The following RALGAPA1 variants were observed in gnomAD, a reference collection of about 807,000 sequenced individuals.
The protein encoded by RALGAPA1 is ral GTPase-activating protein subunit alpha-1.
RALGAPA1 carries 52 observed loss-of-function variants against 269.6 expected under a neutral mutation model. The ratio of observed to expected loss-of-function variants is 0.19; its 90% CI spans 0.15 to 0.24. The LOEUF is 0.24. Among genes scored for constraint, RALGAPA1 ranks in the 10% least tolerant of loss-of-function variants. RALGAPA1 has a pLI of 1.00. For missense variants in RALGAPA1, 1,917 were observed against 3,013.9 expected (o/e 0.64, Z 8.52); for synonymous variants, 817 against 1,008.3 (o/e 0.81, Z 3.60).
intron 39 of RALGAPA1, among the ~76,000 whole-genome samples, chr14:35,554,508 G>A (rs897667291): frequency 1.3e-5 from 2 of 150,512 alleles, no homozygotes; most frequent in South Asian, 4.3e-4. Context: ...CACTACGCCC[G>A]GCTAATTTTT....
intron 4 of RALGAPA1, among the ~76,000 whole-genome samples, chr14:35,763,670 A>T (rs563308234): frequency 3.3e-5 from 5 of 152,118 alleles, no homozygotes; most frequent in African/African-American, 1.2e-4. Flanking sequence ...TATCGTCTTT[A>T]TATTAAGACA....
At chr14:35,718,826 CTA>C (rs2069096762) in intron 16 of RALGAPA1, among the ~76,000 whole-genome samples, 1 of 149,404 alleles carries the variant, frequency 6.7e-6, no homozygotes, top group African/African-American at 2.5e-5. Context: ...AAATAAATAA[CTA>C]TAAAAAAATG....
Position 35,768,853 on chromosome 14 carries a change from A to G in RALGAPA1, c.325+2089T>C, listed in dbSNP as rs1315084838. 2.6e-5 allele frequency among the ~76,000 whole-genome samples: 4 copies of G among 151,106 alleles called. No homozygotes were observed. In the East Asian group the frequency reaches 7.8e-4, roughly 29 times the overall value. ...CAGAAACCCCATCTCTACTAAAAAT[A>G]CAAAATAAGCCGGGTGTGGTGGTGC... is the stretch of plus-strand genomic sequence containing the variant. On this transcript the variant is annotated intron_variant, in intron 4 of 41. Transcript: ENST00000680220.
At chr14:35,748,033 G>C (rs1327587947) in intron 10 of RALGAPA1, among the ~76,000 whole-genome samples, 2 of 151,828 alleles carry the variant, frequency 1.3e-5, no homozygotes, top group African/African-American at 4.8e-5. Context: ...ACCATTTACT[G>C]ATGATAGAGT....
At chr14:35,629,417 T>C (rs2061198965) in intron 33 of RALGAPA1, among the ~76,000 whole-genome samples, 1 of 152,176 alleles carries the variant, frequency 6.6e-6, no homozygotes, top group African/African-American at 2.4e-5. Flanking sequence ...TGAGTATTTA[T>C]ATTCTCTGAC....
rs2065956538 is a variant in RALGAPA1, at chr14:35,686,574, T to C, written c.4045A>G (p.Ile1349Val). 1 of 1,609,542 alleles carries C rather than the reference T, an allele frequency of 6.2e-7. No homozygotes were observed. The highest frequency in any genetic ancestry group is 8.5e-7 in the Non-Finnish European group (1 of 1,178,842). The change falls in exon 19 of 42, where the codon ATA becomes GTA. Residue 1349 changes from isoleucine (I) to valine (V), a missense_variant. Physicochemically the swap from Ile to Val is conservative, Grantham distance 29. Around this residue, in one of 11 missense-constraint regions of RALGAPA1, gnomAD observed 615 missense variants for 790.0 expected, o/e 0.78. Transcript: ENST00000680220. ...ANVPDLMDEF[I>V]AERLRSGNAS... ...TTACCACTTCGAAGTCGTTCTGCTA[T>C]AAACTCATCCATCAGATCAGGAACA...
Position 35,728,493 on chromosome 14 carries a change from T to C in RALGAPA1, c.1605A>G (p.Ser535=), listed in dbSNP as rs146010615. ...QAVLQVFIIN[S]SNIFLLEPAN... ...CAGGTTCAAGAAGAAATATATTTGA[T>C]GAGTTTATAATAAACACCTAAGACA... is the stretch of plus-strand genomic sequence containing the variant. Residue 535 remains serine, a synonymous_variant, in exon 13 of 42, where the codon TCA becomes TCG. Coordinates refer to ENST00000680220, the MANE Select transcript of RALGAPA1 (RefSeq NM_001346249.2). The C allele has an allele frequency of 2.6e-5, 42 of 1,602,040 alleles. No individual in the cohort carries two copies. The African/African-American group carries it at 4.6e-4, about 17-fold the overall frequency.
chr14:35,748,616 T>A lies in RALGAPA1; in HGVS notation c.1220A>T (p.Asn407Ile). 6.2e-7 allele frequency: 1 copy of A among 1,610,642 alleles called. No individual in the cohort carries two copies. The highest frequency in any genetic ancestry group is 8.5e-7 in the Non-Finnish European group (1 of 1,178,282). Residue 407 changes from asparagine to isoleucine, a missense_variant, in exon 10 of 42, where the codon AAT (asparagine) becomes ATT (isoleucine). Physicochemically the swap from Asn to Ile is moderately radical, Grantham distance 149. Around this residue, in one of 11 missense-constraint regions of RALGAPA1, gnomAD observed 462 missense variants for 725.6 expected, o/e 0.64. Transcript: ENST00000680220. The stretch of plus-strand genomic sequence containing the variant: ...AAATATCTCTGTCACAAAGTTTACA[T>A]TACTCCTTTTAGAAGAAAAAACTCT... ...VRRVFSSKRS[N>I]VNFVTEIFRQ...
At chr14:35,760,602 G>C (rs1042016088) in intron 6 of RALGAPA1, among the ~76,000 whole-genome samples, 6 of 152,156 alleles carry the variant, frequency 3.9e-5, no homozygotes, top group Admixed American at 2.0e-4. Flanking sequence ...CATAGCCCTT[G>C]TGGCATGGCA....
chr14:35,682,114 A>G (rs1234998641), intron 21 of RALGAPA1, among the ~76,000 whole-genome samples: 1 of 152,208 alleles, frequency 6.6e-6, no homozygotes, highest in Non-Finnish European at 1.5e-5. Flanking sequence ...TAAAGCTGCC[A>G]TGATCTTTTG....
rs1196017086 is a variant in RALGAPA1 at position 35,688,897 on chromosome 14, C to A, written c.3514G>T (p.Ala1172Ser). 2 of 1,264,002 alleles carry A rather than the reference C, an allele frequency of 1.6e-6. No homozygotes were observed. The highest frequency in any genetic ancestry group is 2.0e-6 in the Non-Finnish European group (2 of 1,006,864). 78.3% of individuals were successfully genotyped at this position (1,264,002 alleles called of 1,614,324 possible). The change falls in exon 18 of 42, where the codon GCT (alanine) becomes TCT (serine). Residue 1172 changes from alanine to serine, a missense_variant. By Grantham distance (99) the Ala-to-Ser change is moderately conservative. Coordinates refer to ENST00000680220, the MANE Select transcript of RALGAPA1 (RefSeq NM_001346249.2). ...TTCCGCAGTCTCATCTTCCATGGAG[C>A]CTCTTTGTTTTCCAGAGGATTATAA... ...QFYNPLENKE[A>S]PWKMRLRKLG... is the part of the protein sequence containing the mutation.
intron 1 of RALGAPA1, among the ~76,000 whole-genome samples, chr14:35,806,348 G>C (rs74042873): frequency 0.012 from 1,777 of 152,184 alleles, 39 homozygotes; most frequent in African/African-American, 0.04. Context: ...TGTAAAATGG[G>C]GGGGAGGGGG....
At chr14:35,541,889 G>A (rs2054041376) in intron 41 of RALGAPA1, 4 of 497,578 alleles carry the variant, frequency 8.0e-6, no homozygotes, top group South Asian at 6.2e-5. Context: ...GAGACACAGT[G>A]CAGAATTTTC....
In RALGAPA1 at chr14:35,688,585, C is replaced by T; in HGVS notation, c.3826G>A (p.Val1276Ile). 6.5e-7 allele frequency: 1 copy of T among 1,535,996 alleles called. No individual in the cohort carries two copies. Among genetic ancestry groups the T allele is most frequent in the Non-Finnish European group, 8.7e-7 (1 of 1,146,850 alleles). Residue 1276 changes from valine (V) to isoleucine (I), a missense_variant, in exon 18 of 42, where the codon GTT becomes ATT. Physicochemically the swap from Val to Ile is conservative, Grantham distance 29. This residue lies in a region of RALGAPA1 where 615 missense variants were observed against 790.0 expected (regional missense o/e 0.78). Transcript: ENST00000680220. The part of the protein sequence containing the change: ...QGSLGGVYKT[V>I]VHALSKPKAN... The stretch of plus-strand genomic sequence containing the variant: ...TTCGGCTTCGAAAGAGCATGTACAA[C>T]AGTTTTATAAACGCCACCCAGGGAG...
In RALGAPA1 at chr14:35,684,793, T is replaced by C. The variant is rs78891955; in HGVS notation, c.4294+136A>G. ...CAACATAGCAAGACCAAATATCTAATTTTTTTTTTTCTAACGTGGGAGCCA... is the reference window on the plus strand; with the variant it reads ...CAACATAGCAAGACCAAATATCTAACTTTTTTTTTTCTAACGTGGGAGCCA... On this transcript the variant is annotated intron_variant, in intron 20 of 41. Transcript: ENST00000680220. The C allele has an allele frequency of 4.2e-5, 26 of 622,684 alleles. No individual in the cohort carries two copies. In the African/African-American group the frequency reaches 4.8e-4, roughly 11 times the overall value. The allele number at this position is 622,684 out of a possible 1,614,324, so 38.6% of individuals were successfully genotyped here.
intron 39 of RALGAPA1, among the ~76,000 whole-genome samples, chr14:35,561,840 G>T (rs1284011266): frequency 6.6e-6 from 1 of 151,988 alleles, no homozygotes; most frequent in Non-Finnish European, 1.5e-5. Context: ...GAATACAGGA[G>T]ATTTAAATCC....
At chr14:35,684,027 A>T (rs1241757697) in intron 20 of RALGAPA1, 42 bp from the exon 21 acceptor site, 1 of 1,516,208 alleles carries the variant, frequency 6.6e-7, no homozygotes, top group Non-Finnish European at 9.0e-7. Flanking sequence ...CCCAATTACA[A>T]AGTAAAAATA....
intron 35 of RALGAPA1, among the ~76,000 whole-genome samples, chr14:35,622,388 T>A (rs2060690910): frequency 6.6e-6 from 1 of 152,076 alleles, no homozygotes; most frequent in African/African-American, 2.4e-5. Context: ...GGGGTAGGGA[T>A]AGAATTAGGA....
At chr14:35,597,307 A>G (rs1465413354) in intron 36 of RALGAPA1, among the ~76,000 whole-genome samples, 1 of 152,180 alleles carries the variant, frequency 6.6e-6, no homozygotes, top group East Asian at 1.9e-4. Context: ...GAAATATAGT[A>G]TATTATCACA....
Sources: gnomAD v4.1 joint callset for allele counts (sites outside exome capture counted in the v4.1 genomes callset) on GRCh38, gnomAD v4.1.1 for gene constraint, gnomAD v4.1.1 regional missense constraint, MANE v1.5 for transcripts, NCBI Gene and HGNC (gene_info 2026-07-23, HGNC 2026-07-21) for gene names.